The following FANCM variants were observed in gnomAD, a reference collection of about 807,000 sequenced individuals.
FANCM encodes the protein FA complementation group M.
In FANCM, 140 loss-of-function variants were observed where a neutral mutation model predicts 199.5. That is an observed-to-expected ratio of 0.70 (90% CI 0.61 to 0.81). FANCM has a LOEUF of 0.81. Among genes scored for constraint, FANCM ranks in the 30% least tolerant of loss-of-function variants. The pLI, the probability that FANCM is intolerant of heterozygous loss-of-function variation, is 0.00. For missense variants in FANCM, 2,410 were observed against 2,421.4 expected (o/e 1.00, Z 0.10); for synonymous variants, 840 against 836.8 (o/e 1.00, Z -0.07).
chr14:45,188,736 A>G, intron 19 of FANCM, 66 bp from the exon 20 acceptor site: 1 of 1,178,006 alleles, frequency 8.5e-7, no homozygotes, highest in Non-Finnish European at 1.3e-6. Context: ...TGTGCCTAGA[A>G]GTATATTTTA....
intron 14 of FANCM, among the ~76,000 whole-genome samples, chr14:45,178,054 AT>A (rs1318674890): frequency 2.0e-5 from 3 of 152,204 alleles, no homozygotes; most frequent in African/African-American, 7.2e-5. Context: ...TCATTTATGA[AT>A]TTTACTCCTT....
At chr14:45,170,526 G>A (rs1594791769) in intron 11 of FANCM, 63 bp from the exon 12 acceptor site, 2 of 1,207,010 alleles carry the variant, frequency 1.7e-6, no homozygotes, top group Non-Finnish European at 2.4e-6. Context: ...AATGGATATT[G>A]TGGGTTTTTT....
intron 14 of FANCM, among the ~76,000 whole-genome samples, chr14:45,178,924 C>T (rs1015792899): frequency 2.6e-5 from 4 of 152,140 alleles, no homozygotes; most frequent in East Asian, 1.9e-4. Context: ...ATGGGCCTGG[C>T]GCAATGGCTC....
At chr14:45,158,820 ATTAT>A (rs1887375374) in intron 8 of FANCM, among the ~76,000 whole-genome samples, 2 of 152,108 alleles carry the variant, frequency 1.3e-5, no homozygotes, top group South Asian at 2.1e-4. Flanking sequence ...GATGTTTGAA[ATTAT>A]TTATTTATTT....
At chr14:45,154,906 T>C in intron 7 of FANCM, 84 bp downstream of exon 7, 1 of 989,820 alleles carries the variant, frequency 1.0e-6, no homozygotes, top group Non-Finnish European at 1.6e-6. Flanking sequence ...TTGATGCAAA[T>C]GTCTACAATT....
chr14:45,137,197 A>G lies in FANCM; in HGVS notation c.637A>G (p.Ile213Val), dbSNP rs754976437. Reference protein sequence around the residue: ...CPAAEIKCLVIDEAHKALGNY... With the variant: ...CPAAEIKCLVVDEAHKALGNY... ...CGCTGCTGAAATAAAGTGTTTAGTTATTGATGAAGCTCATAAAGCTCTCGG... is the reference window on the plus strand; with the variant it reads ...CGCTGCTGAAATAAAGTGTTTAGTTGTTGATGAAGCTCATAAAGCTCTCGG... Residue 213 changes from isoleucine (I) to valine (V), a missense_variant, in exon 2 of 23, where the codon ATT becomes GTT. By Grantham distance (29) the Ile-to-Val change is conservative (BLOSUM62 3). Coordinates refer to ENST00000267430, the MANE Select transcript of FANCM (RefSeq NM_020937.4). The G allele has an allele frequency of 6.2e-6, 10 of 1,613,672 alleles. No individual in the cohort carries two copies. Among genetic ancestry groups the G allele is most frequent in the Non-Finnish European group, 8.5e-6 (10 of 1,179,986 alleles).
chr14:45,150,778 A>G (rs771919461), intron 4 of FANCM, among the ~76,000 whole-genome samples: 5 of 152,228 alleles, frequency 3.3e-5, no homozygotes, highest in African/African-American at 4.8e-5. Flanking sequence ...AATGAAAATG[A>G]TCTACTTTCT....
chr14:45,148,133 G>A (rs1440495789), intron 3 of FANCM, among the ~76,000 whole-genome samples: 1 of 151,776 alleles, frequency 6.6e-6, no homozygotes, highest in Non-Finnish European at 1.5e-5. Context: ...GGAGGCGGAG[G>A]TTGCAGTTAG....
intron 11 of FANCM, among the ~76,000 whole-genome samples, chr14:45,169,652 C>T (rs548271905): frequency 5.3e-5 from 8 of 152,016 alleles, no homozygotes; most frequent in Admixed American, 3.9e-4. Context: ...CCTCCCTCCT[C>T]GGCCTCCCAA....
At chr14:45,189,933 AC>A (rs1285155709) in intron 20 of FANCM, among the ~76,000 whole-genome samples, 1 of 147,614 alleles carries the variant, frequency 6.8e-6, no homozygotes, top group Non-Finnish European at 1.5e-5. Flanking sequence ...ATGCCATTGC[AC>A]CCCAGCCTGG....
At chr14:45,177,268 A>G (rs1355618830) in intron 14 of FANCM, among the ~76,000 whole-genome samples, 2 of 152,210 alleles carry the variant, frequency 1.3e-5, no homozygotes, top group Non-Finnish European at 2.9e-5. Flanking sequence ...ATTATGTGAC[A>G]TACGTATTTG....
Position 45,175,947 on chromosome 14 carries a change from T to G in FANCM, c.3193T>G (p.Cys1065Gly), listed in dbSNP as rs201836469. The G allele has an allele frequency of 1.2e-6, 2 of 1,613,526 alleles. No individual in the cohort carries two copies. Among genetic ancestry groups the G allele is most frequent in the East Asian group, 4.5e-5 (2 of 44,848 alleles). Reference sequence around the variant, plus strand: ...TATAAATTATCCATCTGAAAAAAGTTGCCTTTATGATATACCTAATGATAA... The same window carrying G: ...TATAAATTATCCATCTGAAAAAAGTGGCCTTTATGATATACCTAATGATAA... ...KCINYPSEKS[C>G]LYDIPNDNIS... Residue 1065 changes from cysteine to glycine, a missense_variant, in exon 14 of 23, where the codon TGC (cysteine) becomes GGC (glycine). Cys to Gly is a radical substitution (Grantham distance 159). Coordinates refer to ENST00000267430, the MANE Select transcript of FANCM (RefSeq NM_020937.4).
Position 45,168,693 on chromosome 14 carries a change from T to C in FANCM, c.2002+1530T>C, listed in dbSNP as rs529736717. 2.7e-4 allele frequency among the ~76,000 whole-genome samples: 40 copies of C among 148,942 alleles called. 1 individual carries two copies. The South Asian group carries it at 8.4e-3, about 31-fold the overall frequency. Reference sequence around the variant, plus strand: ...GTATATAAATACACTAGTGTATTTATACTAATATATAAAATATATACTAGT... The same window carrying C: ...GTATATAAATACACTAGTGTATTTACACTAATATATAAAATATATACTAGT... On this transcript the variant is annotated intron_variant, in intron 11 of 22. Transcript: ENST00000267430.
In FANCM at chr14:45,175,174, A is replaced by G. The variant is rs1888584152; in HGVS notation, c.2420A>G (p.Asp807Gly). ...AATGAATCTAATAATCTTGCCAGTG[A>G]CACCTTTATCACTCACAAGAAATCG... is the stretch of plus-strand genomic sequence containing the variant. ...PRNESNNLAS[D>G]TFITHKKSSF... The change falls in exon 14 of 23, where the codon GAC becomes GGC. Residue 807 changes from aspartate to glycine, a missense_variant. Transcript: ENST00000267430. 1 of 1,610,960 alleles carries G rather than the reference A, an allele frequency of 6.2e-7. No homozygotes were observed. The highest frequency in any genetic ancestry group is 8.5e-7 in the Non-Finnish European group (1 of 1,177,624).
At chr14:45,170,796 G>A (rs752550379) in intron 12 of FANCM, 50 bp downstream of exon 12, 1 of 1,458,268 alleles carries the variant, frequency 6.9e-7, no homozygotes, top group South Asian at 1.1e-5. Context: ...TCATTTTAAT[G>A]CCAGAACCCC....
At chr14:45,178,930 G>C (rs1020075268) in intron 14 of FANCM, among the ~76,000 whole-genome samples, 3 of 152,218 alleles carry the variant, frequency 2.0e-5, no homozygotes, top group Admixed American at 2.0e-4. Flanking sequence ...CTGGCGCAAT[G>C]GCTCATGCCT....
At chr14:45,155,159 T>C (rs1156713568) in intron 7 of FANCM, among the ~76,000 whole-genome samples, 2 of 152,172 alleles carry the variant, frequency 1.3e-5, no homozygotes, top group Non-Finnish European at 2.9e-5. Flanking sequence ...CTGATTCCTC[T>C]TTAGGTTCTC....
chr14:45,144,391 T>C lies in FANCM; in HGVS notation c.759+3682T>C, dbSNP rs552841653. Among the ~76,000 whole-genome samples, 410 of 151,620 alleles carry C rather than the reference T, an allele frequency of 2.7e-3. 1 individual carries two copies. Among genetic ancestry groups the C allele is most frequent in the Non-Finnish European group, 3.9e-3 (265 of 67,880 alleles). On this transcript the variant is annotated intron_variant, in intron 3 of 22. Coordinates refer to ENST00000267430, the MANE Select transcript of FANCM (RefSeq NM_020937.4). Reference sequence around the variant, plus strand: ...TCTCTATGAGTTCAATTACTTTAATTTTTAGCTCCCACTAAAAAGTTAGAA... The same window carrying C: ...TCTCTATGAGTTCAATTACTTTAATCTTTAGCTCCCACTAAAAAGTTAGAA...
intron 22 of FANCM, 29 bp from the exon 23 acceptor site, chr14:45,199,841 G>C: frequency 6.2e-7 from 1 of 1,605,586 alleles, no homozygotes; most frequent in Non-Finnish European, 8.5e-7. Flanking sequence ...AAGTCCTAGT[G>C]TAATGATTTT....
Sources: allele counts gnomAD v4.1 joint callset (sites outside exome capture counted in the v4.1 genomes callset), GRCh38; gene constraint gnomAD v4.1.1; transcripts MANE v1.5; gene names NCBI Gene and HGNC (gene_info 2026-07-23, HGNC 2026-07-21).